PEAR1: variants seen among roughly 807,000 people sequenced by gnomAD.
PEAR1 encodes multiple EGF-like domains protein 12.
A neutral mutation model predicts 131.2 loss-of-function variants in PEAR1; 113 were observed. The ratio of observed to expected loss-of-function variants is 0.86; its 90% confidence interval spans 0.74 to 1.01. The LOEUF (loss-of-function observed/expected upper bound fraction) is 1.01, where lower values mean the gene tolerates loss of function less well. Ranked by LOEUF, PEAR1 falls within the 50% of genes least tolerant of loss-of-function variation. The pLI is 0.00. For synonymous variants in PEAR1, 565 were observed against 523.3 expected (o/e 1.08, Z -1.09); for missense variants, 1,408 against 1,391.1 (o/e 1.01, Z -0.19).
intron 20 of PEAR1, 44 bp from the exon 21 acceptor site, chr1:156,913,648 G>A (rs1405747015): frequency 6.2e-7 from 1 of 1,606,278 alleles, no homozygotes; most frequent in Non-Finnish European, 8.5e-7. Context: ...GTGAGCCGGG[G>A]GAGGGGACAG....
At position 156,910,700 on chromosome 1, in the gene PEAR1, C is replaced by T. The variant is rs1650968780; in HGVS notation, c.1908C>T (p.Thr636=). Reference sequence around the variant, plus strand: ...CCTTCTGCCACCCCTCGAACGGGACCTGCTACTGCCTGGCTGGCTGGACAG... The same window carrying T: ...CCTTCTGCCACCCCTCGAACGGGACTTGCTACTGCCTGGCTGGCTGGACAG... The part of the protein sequence containing the change: ...NHSFCHPSNG[T]CYCLAGWTGP... The change falls in exon 15 of 23, where the codon ACC becomes ACT. Residue 636 remains threonine, a synonymous_variant. Coordinates refer to ENST00000292357, the MANE Select transcript of PEAR1 (RefSeq NM_001080471.3). The T allele has an allele frequency of 6.2e-7, 1 of 1,614,154 alleles. No homozygotes were observed. The highest frequency in any genetic ancestry group is 8.5e-7 in the Non-Finnish European group (1 of 1,180,038).
chr1:156,911,901 A>G (rs1472927303), intron 15 of PEAR1, among the ~76,000 whole-genome samples: 4 of 152,226 alleles, frequency 2.6e-5, no homozygotes, highest in Admixed American at 2.6e-4. Flanking sequence ...TGCCTTAAAC[A>G]GGACAGATGT....
At chr1:156,899,718 T>G (rs1649494059) in intron 1 of PEAR1, among the ~76,000 whole-genome samples, 1 of 152,094 alleles carries the variant, frequency 6.6e-6, no homozygotes, top group African/African-American at 2.4e-5. Flanking sequence ...TCAACTCATT[T>G]AGTCTGCACA....
Position 156,908,796 on chromosome 1 carries a change from C to T in PEAR1, c.1257C>T (p.Thr419=), listed in dbSNP as rs1650684757. Residue 419 remains threonine (T), a synonymous_variant, in exon 10 of 23, where the codon ACC becomes ACT. Transcript: ENST00000292357. This position sits in a 1 kb window ranked among gnomAD's most constrained non-coding sequence, Gnocchi z 4.2. The part of the protein sequence containing the change: ...LCLHGGVCQA[T]SGLCQCAPGY... The stretch of plus-strand genomic sequence containing the variant: ...TGCACGGTGGCGTCTGCCAGGCTAC[C>T]AGCGGCCTCTGTCAGTGCGCGCCGG... 1.9e-6 allele frequency: 3 copies of T among 1,606,476 alleles called. No homozygotes were observed. Among genetic ancestry groups the T allele is most frequent in the African/African-American group, 1.3e-5 (1 of 74,896 alleles).
In PEAR1 at chr1:156,909,815, C is replaced by T; in HGVS notation, c.1476C>T (p.Ala492=). 4 of 1,614,012 alleles carry T rather than the reference C, an allele frequency of 2.5e-6. No homozygotes were observed. The highest frequency in any genetic ancestry group is 3.4e-6 in the Non-Finnish European group (4 of 1,179,898). ...GAACCTGGGGCTTCAGTTGCAATGC[C>T]AGCTGCCAGTGTGCCCATGAGGCAG... ...PPGTWGFSCN[A]SCQCAHEAVC... The change falls in exon 12 of 23, where the codon GCC becomes GCT. Residue 492 remains alanine, a synonymous_variant. Coordinates refer to ENST00000292357, the MANE Select transcript of PEAR1 (RefSeq NM_001080471.3).
chr1:156,905,056 C>A (rs1650090710), intron 3 of PEAR1: 3 of 1,415,288 alleles, frequency 2.1e-6, no homozygotes, highest in Non-Finnish European at 1.9e-6. Flanking sequence ...GGTACGCATG[C>A]ATGTTACAGT....
chr1:156,913,595 G>A, intron 20 of PEAR1, 72 bp downstream of exon 20: 11 of 1,601,952 alleles, frequency 6.9e-6, no homozygotes, highest in South Asian at 3.3e-5. Flanking sequence ...CTGAGTGTGT[G>A]TGTCTGGAGA....
Position 156,893,776 on chromosome 1 carries a change from C to G in PEAR1, c.-71C>G, listed in dbSNP as rs1164244025. ...GCCCCGTCCTCGGCTGTCCAGTCCT[C>G]CTCCTCGCAGACCCCGGCGGTTCCT... On this transcript the variant is annotated 5_prime_UTR_variant, in exon 1 of 23. Coordinates refer to ENST00000292357, the MANE Select transcript of PEAR1 (RefSeq NM_001080471.3). 1 of 152,260 alleles carries G rather than the reference C, an allele frequency of 6.6e-6. No homozygotes were observed. Among genetic ancestry groups the G allele is most frequent in the Non-Finnish European group, 1.5e-5 (1 of 68,140 alleles). The allele number at this position is 152,260 out of a possible 1,614,324, so 9.4% of individuals were successfully genotyped here.
In PEAR1 at chr1:156,904,803, G is replaced by T; in HGVS notation, c.157G>T (p.Glu53Ter). ...CCGCCCCTTCAGCCTGCTCCCCTCAGAGCCCTGCGAGCGGCCCTGGGAGGG... is the reference window on the plus strand; with the variant it reads ...CCGCCCCTTCAGCCTGCTCCCCTCATAGCCCTGCGAGCGGCCCTGGGAGGG... ...HSRPFSLLPSEPCERPWEGPH... is the reference protein window; with the variant it reads ...HSRPFSLLPS Residue 53 changes from glutamate to a stop codon, truncating the protein, a stop_gained, in exon 3 of 23, where the codon GAG (glutamate) becomes TAG (stop). Coordinates refer to ENST00000292357, the MANE Select transcript of PEAR1 (RefSeq NM_001080471.3). LOFTEE classifies it high-confidence loss of function. 3.7e-6 allele frequency: 6 copies of T among 1,613,850 alleles called. No homozygotes were observed. Among genetic ancestry groups the T allele is most frequent in the Non-Finnish European group, 5.1e-6 (6 of 1,179,868 alleles).
At position 156,913,479 on chromosome 1, in the gene PEAR1, A is replaced by G. The variant is rs764661331; in HGVS notation, c.2600A>G (p.Asp867Gly). 1.2e-6 allele frequency: 2 copies of G among 1,613,262 alleles called. No individual in the cohort carries two copies. Among genetic ancestry groups the G allele is most frequent in the Non-Finnish European group, 1.7e-6 (2 of 1,180,022 alleles). Reference protein sequence around the residue: ...GHDNHTTLPADWKHRREPPPG... With the variant: ...GHDNHTTLPAGWKHRREPPPG... ...GATAACCACACCACCCTGCCTGCTG[A>G]CTGGAAGCACCGCCGGGAGCCCCCT... The change falls in exon 20 of 23, where the codon GAC (aspartate) becomes GGC (glycine). Residue 867 changes from aspartate (D) to glycine (G), a missense_variant. Physicochemically the swap from Asp to Gly is moderately conservative, Grantham distance 94 (BLOSUM62 -1). Transcript: ENST00000292357.
At chr1:156,913,788 T>C in intron 21 of PEAR1, 28 bp downstream of exon 21, 1 of 1,612,204 alleles carries the variant, frequency 6.2e-7, no homozygotes, top group Non-Finnish European at 8.5e-7. Flanking sequence ...ACAAGGGAGG[T>C]GGCTGAGCTG....
At chr1:156,913,304 G>A (rs751606961) in intron 19 of PEAR1, 22 bp downstream of exon 19, 2 of 1,596,824 alleles carry the variant, frequency 1.3e-6, no homozygotes, top group African/African-American at 2.7e-5. Context: ...GGGAGGGGGT[G>A]CACTGTGGAG....
In PEAR1 at chr1:156,906,733, C is replaced by T. The variant is rs368051269; in HGVS notation, c.497C>T (p.Pro166Leu). 2.5e-6 allele frequency: 4 copies of T among 1,614,118 alleles called. No individual in the cohort carries two copies. The African/African-American group carries it at 4.0e-5, about 16-fold the overall frequency. The change falls in exon 6 of 23, where the codon CCT (proline) becomes CTT (leucine). Residue 166 changes from proline (P) to leucine (L), a missense_variant. Coordinates refer to ENST00000292357, the MANE Select transcript of PEAR1 (RefSeq NM_001080471.3). ...CDPKSGVCSCPSGLQPPNCLQ... is the reference protein window; with the variant it reads ...CDPKSGVCSCLSGLQPPNCLQ... ...CCCAAGAGTGGGGTATGTTCTTGCC[C>T]TTCTGGTCTGCAGCCCCCGAACTGC...
intron 4 of PEAR1, 151 bp downstream of exon 4, chr1:156,905,575 C>T (rs963383704): frequency 1.8e-5 from 12 of 666,060 alleles, no homozygotes; most frequent in Admixed American, 6.5e-5. Context: ...CTGGCCTTGT[C>T]CCCAGGATGG....
rs555093107 is a variant in PEAR1, at chr1:156,902,847, G to A, written c.-9-1071G>A. ...GCTCAGGAGCTGAGGCAGCAGAGCCGTCTGAAGTGCTGGGAGCCAGGGGTG... is the reference window on the plus strand; with the variant it reads ...GCTCAGGAGCTGAGGCAGCAGAGCCATCTGAAGTGCTGGGAGCCAGGGGTG... On this transcript the variant is annotated intron_variant, in intron 1 of 22. Coordinates refer to ENST00000292357, the MANE Select transcript of PEAR1 (RefSeq NM_001080471.3). The surrounding 1 kb of genome is among the most constrained non-coding windows in gnomAD (Gnocchi z 4.3). Among the ~76,000 whole-genome samples, 7 of 152,108 alleles carry A rather than the reference G, an allele frequency of 4.6e-5. No individual in the cohort carries two copies. The highest frequency in any genetic ancestry group is 1.0e-4 in the Non-Finnish European group (7 of 68,016).
intron 3 of PEAR1, 53 bp from the exon 4 acceptor site, chr1:156,905,271 T>A: frequency 8.4e-6 from 13 of 1,556,620 alleles, no homozygotes; most frequent in Non-Finnish European, 1.1e-5. Flanking sequence ...GGCCACACTG[T>A]GGTGAGTGCG....
chr1:156,910,837 G>T (rs1052069883), intron 15 of PEAR1, 94 bp downstream of exon 15: 1 of 1,538,632 alleles, frequency 6.5e-7, no homozygotes, highest in Admixed American at 1.9e-5. Flanking sequence ...GGGTATAAAA[G>T]CCTCTGGGCC....
chr1:156,895,253 C>T (rs1349868086), intron 1 of PEAR1, among the ~76,000 whole-genome samples: 1 of 152,252 alleles, frequency 6.6e-6, no homozygotes, highest in Non-Finnish European at 1.5e-5. Flanking sequence ...GAAACTCACG[C>T]TCCAGGCAGC....
intron 15 of PEAR1, among the ~76,000 whole-genome samples, chr1:156,911,139 CT>C (rs1321049856): frequency 1.7e-5 from 2 of 117,924 alleles, no homozygotes; most frequent in African/African-American, 6.7e-5. Context: ...TCCTTTCTTT[CT>C]TTTCTTTCTT....
Sources: allele counts gnomAD v4.1 joint callset (sites outside exome capture counted in the v4.1 genomes callset), GRCh38; gene constraint gnomAD v4.1.1; non-coding constraint Gnocchi (gnomAD v3.1); transcripts MANE v1.5; gene names NCBI Gene and HGNC (gene_info 2026-07-23, HGNC 2026-07-21).